SPOCK1: variants seen among roughly 807,000 people sequenced by gnomAD.
SPOCK1 encodes the protein testican-1.
SPOCK1 carries 23 observed loss-of-function variants against 55.3 expected under a neutral mutation model. The ratio of observed to expected loss-of-function variants is 0.42; its 90% confidence interval spans 0.30 to 0.59. The LOEUF is 0.59. Among genes scored for constraint, SPOCK1 ranks in the 20% least tolerant of loss-of-function variants. SPOCK1 has a pLI of 0.22. For missense variants in SPOCK1, 499 were observed against 552.5 expected (o/e 0.90, Z 0.97); for synonymous variants, 226 against 221.0 (o/e 1.02, Z -0.20).
chr5:137,401,465 T>C lies in SPOCK1; in HGVS notation c.186+96908A>G, dbSNP rs530445094. On this transcript the variant is annotated intron_variant, in intron 2 of 10. Coordinates refer to ENST00000394945, the MANE Select transcript of SPOCK1 (RefSeq NM_004598.4). ...TGGTGGGTGTGGTGTCTCATGCCTG[T>C]AACCCCAGCACTTTGGGAGGTTGAA... Among the ~76,000 whole-genome samples the C allele has an allele frequency of 1.5e-3, 219 of 143,452 alleles. 1 individual carries two copies. The highest frequency in any genetic ancestry group is 2.4e-3 in the Non-Finnish European group (162 of 67,106). The allele number at this position is 143,452 out of a possible 152,430, so 94.1% of individuals were successfully genotyped here. A position where few individuals can be genotyped will look rare whatever the true frequency, so the allele number is the denominator to read the frequency against.
At chr5:137,471,367 C>CA (rs1479608077) in intron 2 of SPOCK1, among the ~76,000 whole-genome samples, 3 of 152,068 alleles carry the variant, frequency 2.0e-5, no homozygotes, top group Non-Finnish European at 2.9e-5. Context: ...CTTTGACACC[C>CA]AATAGCTGTG....
At chr5:137,412,533 G>T (rs1278962359) in intron 2 of SPOCK1, among the ~76,000 whole-genome samples, 10 of 152,198 alleles carry the variant, frequency 6.6e-5, no homozygotes, top group Non-Finnish European at 5.9e-5. Context: ...CAATGGAAGC[G>T]CAGGGTCACT....
At chr5:137,475,761 A>G (rs936289710) in intron 2 of SPOCK1, among the ~76,000 whole-genome samples, 1 of 151,850 alleles carries the variant, frequency 6.6e-6, no homozygotes, top group Non-Finnish European at 1.5e-5. Flanking sequence ...TTTTGTAAAG[A>G]TGGGGGTCTC....
chr5:137,343,469 G>A (rs1289646126), intron 2 of SPOCK1, among the ~76,000 whole-genome samples: 1 of 152,142 alleles, frequency 6.6e-6, no homozygotes, highest in African/African-American at 2.4e-5. Context: ...CCCCAAGAAG[G>A]GCAGACGCTT....
At position 136,992,346 on chromosome 5, in the gene SPOCK1, T is replaced by A. The variant is rs189264071; in HGVS notation, c.706+138A>T. The A allele has an allele frequency of 4.5e-6, 3 of 670,294 alleles. No individual in the cohort carries two copies. The East Asian group carries it at 9.3e-5, about 21-fold the overall frequency. The allele number at this position is 670,294 out of a possible 1,614,324, so 41.5% of individuals were successfully genotyped here. The stretch of plus-strand genomic sequence containing the variant: ...TATACTAAACATTTTTTAATCCAAC[T>A]TTTTTTTGAGATTGGGACATATTTA... On this transcript the variant is annotated intron_variant, in intron 7 of 10. Coordinates refer to ENST00000394945, the MANE Select transcript of SPOCK1 (RefSeq NM_004598.4).
chr5:137,029,015 C>T (rs576643417), intron 6 of SPOCK1, among the ~76,000 whole-genome samples: 5 of 152,164 alleles, frequency 3.3e-5, no homozygotes, highest in Admixed American at 1.3e-4. Context: ...TGGGGGGCTG[C>T]CTGCTTATGG....
At chr5:137,144,340 C>T (rs1054939601) in intron 3 of SPOCK1, among the ~76,000 whole-genome samples, 2 of 152,148 alleles carry the variant, frequency 1.3e-5, no homozygotes, top group South Asian at 4.2e-4. Flanking sequence ...AACAAAAAAC[C>T]TCCAACCCAA....
At chr5:137,038,607 T>C (rs1376210350) in intron 6 of SPOCK1, among the ~76,000 whole-genome samples, 14 of 152,224 alleles carry the variant, frequency 9.2e-5, no homozygotes, top group Non-Finnish European at 1.9e-4. Flanking sequence ...TGCAGTGGCT[T>C]TAATTTACTT....
intron 3 of SPOCK1, among the ~76,000 whole-genome samples, chr5:137,223,558 C>T (rs1164554090): frequency 6.6e-6 from 1 of 152,148 alleles, no homozygotes; most frequent in East Asian, 1.9e-4. Flanking sequence ...CCATTTGGGG[C>T]CTGCTTAATG....
chr5:137,078,319 C>T (rs75880458), intron 5 of SPOCK1, among the ~76,000 whole-genome samples: 1,711 of 152,298 alleles, frequency 0.011, 28 homozygotes, highest in African/African-American at 0.038. Context: ...GCCTGTCTCT[C>T]CAGCTGTCCT....
intron 3 of SPOCK1, among the ~76,000 whole-genome samples, chr5:137,179,256 C>T (rs987599636): frequency 6.6e-6 from 1 of 152,204 alleles, no homozygotes; most frequent in Non-Finnish European, 1.5e-5. Flanking sequence ...TATCTGTCCC[C>T]TTCTCCCAAT....
In SPOCK1 at chr5:137,332,322, T is replaced by A. The variant is rs150620097; in HGVS notation, c.187-65267A>T. On this transcript the variant is annotated intron_variant, in intron 2 of 10. Transcript: ENST00000394945. ...CCATTATTTAAGACTCCAGCCCTGT[T>A]TGGTGCCTCACAGTAATATCACAAT... Among the ~76,000 whole-genome samples the A allele has an allele frequency of 1.2e-4, 19 of 152,306 alleles. No individual in the cohort carries two copies. In the East Asian group the frequency reaches 3.7e-3, roughly 29 times the overall value.
At chr5:137,009,516 C>T (rs77641532) in intron 6 of SPOCK1, among the ~76,000 whole-genome samples, 3,558 of 152,170 alleles carry the variant, frequency 0.023, 107 homozygotes, top group African/African-American at 0.064. Flanking sequence ...TCAAGAGCCT[C>T]TTCAAGCATA....
At chr5:137,458,519 C>A (rs769941121) in intron 2 of SPOCK1, among the ~76,000 whole-genome samples, 26 of 152,204 alleles carry the variant, frequency 1.7e-4, no homozygotes, top group Non-Finnish European at 3.5e-4. Context: ...CTGAGAAAGT[C>A]AGTGAATCTT....
intron 6 of SPOCK1, among the ~76,000 whole-genome samples, chr5:137,054,338 A>G (rs1182152288): frequency 6.6e-6 from 1 of 152,152 alleles, no homozygotes; most frequent in African/African-American, 2.4e-5. Context: ...TCTAGTGTAT[A>G]AGACTCCCTC....
chr5:137,400,307 A>G (rs910068624), intron 2 of SPOCK1, among the ~76,000 whole-genome samples: 7 of 152,182 alleles, frequency 4.6e-5, no homozygotes, highest in Non-Finnish European at 8.8e-5. Context: ...CAGCCTATGC[A>G]GACTCTGCAG....
chr5:137,247,077 G>A (rs777813191), intron 3 of SPOCK1, among the ~76,000 whole-genome samples: 2 of 152,182 alleles, frequency 1.3e-5, no homozygotes, highest in Non-Finnish European at 2.9e-5. Context: ...CTGCAAAACT[G>A]TCTGAAGGAT....
chr5:137,094,457 A>G (rs1174272374), intron 5 of SPOCK1, among the ~76,000 whole-genome samples: 1 of 152,216 alleles, frequency 6.6e-6, no homozygotes, highest in Non-Finnish European at 1.5e-5. Flanking sequence ...AGTTACTCAA[A>G]TTTTTTGGCT....
chr5:137,011,542 C>G (rs1473964033), intron 6 of SPOCK1, among the ~76,000 whole-genome samples: 2 of 152,162 alleles, frequency 1.3e-5, no homozygotes, highest in South Asian at 2.1e-4. Context: ...TCTAGACATG[C>G]CTTGTGTTCA....
Sources: gnomAD v4.1 joint callset for allele counts (sites outside exome capture counted in the v4.1 genomes callset) on GRCh38, gnomAD v4.1.1 for gene constraint, MANE v1.5 for transcripts, NCBI Gene and HGNC (gene_info 2026-07-23, HGNC 2026-07-21) for gene names.